The following LYPD6 variants were observed in gnomAD, a reference collection of about 807,000 sequenced individuals.
LYPD6 encodes ly6/PLAUR domain-containing protein 6.
In LYPD6, 15 loss-of-function variants were observed where a neutral mutation model predicts 22.7. The ratio of observed to expected loss-of-function variants is 0.66; its 90% CI spans 0.44 to 1.02. The LOEUF (loss-of-function observed/expected upper bound fraction) is 1.02. LYPD6 is among the 50% of genes least tolerant of loss of function. The probability of loss-of-function intolerance (pLI) is 0.00; values close to 1 mark genes in which losing one functional copy is unlikely to be tolerated. For synonymous variants in LYPD6, 72 were observed against 77.5 expected, an observed-to-expected ratio of 0.93 and a Z score of 0.37; for missense variants, 189 against 208.4, an observed-to-expected ratio of 0.91 and a Z score of 0.57.
chr2:149,403,259 C>T (rs1422433551), intron 1 of LYPD6, among the ~76,000 whole-genome samples: 10 of 151,550 alleles, frequency 6.6e-5, no homozygotes, highest in Non-Finnish European at 1.5e-4. Context: ...AATGGGATGG[C>T]TGGGTCAAAT....
chr2:149,429,619 C>T (rs1453736853), intron 1 of LYPD6, among the ~76,000 whole-genome samples: 1 of 152,212 alleles, frequency 6.6e-6, no homozygotes, highest in Non-Finnish European at 1.5e-5. Context: ...CTTTGCAAGT[C>T]ACCACAGACC....
At chr2:149,411,028 A>G (rs963853529) in intron 1 of LYPD6, among the ~76,000 whole-genome samples, 4 of 152,216 alleles carry the variant, frequency 2.6e-5, no homozygotes, top group Admixed American at 2.6e-4. Context: ...GTCATCGACC[A>G]TTAGGATTAG....
intron 1 of LYPD6, among the ~76,000 whole-genome samples, chr2:149,343,420 A>G (rs1276507295): frequency 2.0e-5 from 3 of 152,216 alleles, no homozygotes; most frequent in African/African-American, 7.2e-5. Flanking sequence ...ACAAACATCC[A>G]TCTGCCTTAA....
chr2:149,367,105 G>A (rs993370183), intron 1 of LYPD6, among the ~76,000 whole-genome samples: 1 of 151,912 alleles, frequency 6.6e-6, no homozygotes, highest in Non-Finnish European at 1.5e-5. Context: ...ATTTGTTGTT[G>A]CATAACAAAT....
intron 3 of LYPD6, among the ~76,000 whole-genome samples, chr2:149,459,130 C>G (rs1011678212): frequency 6.6e-6 from 1 of 152,118 alleles, no homozygotes; most frequent in Non-Finnish European, 1.5e-5. Context: ...AATAAAACTT[C>G]TAAAAACAAA....
chr2:149,334,534 A>G lies in LYPD6; in HGVS notation c.-72+3812A>G, dbSNP rs115992311. ...CCTAATCAGCAGACTAATTACAGAT[A>G]AATCACCAAGACTAGATGGCCTTCA... On this transcript the variant is annotated intron_variant, in intron 1 of 4. Coordinates refer to ENST00000334166, the MANE Select transcript of LYPD6 (RefSeq NM_194317.5). Among the ~76,000 whole-genome samples, 1,226 of 152,292 alleles carry G rather than the reference A, an allele frequency of 8.1e-3. 17 individuals are homozygous for G. Among genetic ancestry groups the G allele is most frequent in the African/African-American group, 0.027 (1,118 of 41,542 alleles).
the LYPD6 span, among the ~76,000 whole-genome samples, chr2:149,483,270 C>T: frequency 6.6e-6 from 1 of 152,202 alleles, no homozygotes; most frequent in African/African-American, 2.4e-5. Context: ...CTGGGCAAGT[C>T]TGCTCAACTC....
chr2:149,391,392 T>C (rs1275379132), intron 1 of LYPD6, among the ~76,000 whole-genome samples: 6 of 152,114 alleles, frequency 3.9e-5, no homozygotes, highest in African/African-American at 1.4e-4. Flanking sequence ...TGGAGAAAAC[T>C]TCTTGCCCTA....
At position 149,345,253 on chromosome 2, in the gene LYPD6, T is replaced by TTA. The variant is rs150083213; in HGVS notation, c.-72+14532_-72+14533dup. ...CTACAGGTAATCTATAGCAGACATCTTACTGTAGGCTATGTGTTTGGTTTG... is the reference window on the plus strand; with the variant it reads ...CTACAGGTAATCTATAGCAGACATCTTATACTGTAGGCTATGTGTTTGGTTTG... On this transcript the variant is annotated intron_variant, in intron 1 of 4. Transcript: ENST00000334166. 4.9e-3 allele frequency among the ~76,000 whole-genome samples: 751 copies of TTA among 152,214 alleles called. 3 individuals carry two copies. Among genetic ancestry groups the TTA allele is most frequent in the African/African-American group, 0.018 (730 of 41,500 alleles).
chr2:149,376,847 G>C (rs1220056462), intron 1 of LYPD6, among the ~76,000 whole-genome samples: 1 of 152,124 alleles, frequency 6.6e-6, no homozygotes, highest in East Asian at 1.9e-4. Flanking sequence ...TTGGAATCTG[G>C]CATTTTGTAG....
chr2:149,357,820 C>T (rs1681476728), intron 1 of LYPD6, among the ~76,000 whole-genome samples: 1 of 142,542 alleles, frequency 7.0e-6, no homozygotes, highest in Admixed American at 7.1e-5. Context: ...GAACCTCACT[C>T]TGTTGCCCAG....
chr2:149,422,201 C>G (rs1683096004), intron 1 of LYPD6, among the ~76,000 whole-genome samples: 1 of 152,140 alleles, frequency 6.6e-6, no homozygotes. Context: ...TGTACTATCT[C>G]CTTTAAACCT....
In LYPD6 at chr2:149,468,644, G is replaced by C; in HGVS notation, c.218-1G>C. The C allele has an allele frequency of 3.1e-6, 5 of 1,612,196 alleles. No individual in the cohort carries two copies. Among genetic ancestry groups the C allele is most frequent in the Non-Finnish European group, 4.2e-6 (5 of 1,179,368 alleles). ...CTCAAATATATTTTCTCTGTTGACA[G>C]AGACCAGATACTGCTACACTCAGCA... is the stretch of plus-strand genomic sequence containing the variant. On this transcript the variant is annotated splice_acceptor_variant, in intron 3 of 4. Transcript: ENST00000334166. LOFTEE classifies it high-confidence loss of function.
chr2:149,330,001 G>C (rs987891678), upstream of LYPD6: 1 of 152,318 alleles, frequency 6.6e-6, no homozygotes, highest in South Asian at 2.1e-4. Flanking sequence ...AACGTCAAGT[G>C]GTCTCCGCCT....
At chr2:149,356,423 A>T (rs1184307601) in intron 1 of LYPD6, among the ~76,000 whole-genome samples, 2 of 152,176 alleles carry the variant, frequency 1.3e-5, no homozygotes, top group African/African-American at 4.8e-5. Context: ...CAAACACACG[A>T]GATGTTTTCC....
At chr2:149,457,263 A>G (rs546759183) in intron 3 of LYPD6, among the ~76,000 whole-genome samples, 3 of 152,290 alleles carry the variant, frequency 2.0e-5, no homozygotes, top group South Asian at 4.1e-4. Context: ...TTCAAATTCA[A>G]TGGAAGATAT....
intron 2 of LYPD6, chr2:149,440,304 C>G (rs1261811847): frequency 6.3e-6 from 1 of 157,696 alleles, no homozygotes; most frequent in African/African-American, 2.4e-5. Flanking sequence ...TGAGCTCCCC[C>G]TGTCACATCG....
chr2:149,429,443 C>G (rs928872251), intron 1 of LYPD6, among the ~76,000 whole-genome samples: 4 of 152,234 alleles, frequency 2.6e-5, no homozygotes, highest in African/African-American at 9.6e-5. Context: ...CAGTAAAATG[C>G]TTCCCCTTCC....
chr2:149,437,666 G>A lies in LYPD6; in HGVS notation c.-43G>A. ...CAAGTTCTCTCCTGTTGCCCTGAGTGCCCACTCCCAGGCCCTCTGTATGAG... is the reference window on the plus strand; with the variant it reads ...CAAGTTCTCTCCTGTTGCCCTGAGTACCCACTCCCAGGCCCTCTGTATGAG... On this transcript the variant is annotated 5_prime_UTR_variant, in exon 2 of 5. Coordinates refer to ENST00000334166, the MANE Select transcript of LYPD6 (RefSeq NM_194317.5). 2 of 1,607,346 alleles carry A rather than the reference G, an allele frequency of 1.2e-6. No individual in the cohort carries two copies. Among genetic ancestry groups the A allele is most frequent in the Non-Finnish European group, 1.7e-6 (2 of 1,175,778 alleles).
Sources: gnomAD v4.1 joint callset for allele counts (sites outside exome capture counted in the v4.1 genomes callset) on GRCh38, gnomAD v4.1.1 for gene constraint, MANE v1.5 for transcripts, NCBI Gene and HGNC (gene_info 2026-07-23, HGNC 2026-07-21) for gene names.